Variants in FHOD3 observed in about 807,000 individuals in gnomAD.
The protein encoded by FHOD3 is formin homology 2 domain containing 3.
FHOD3 carries 90 observed loss-of-function variants against 173.0 expected under a neutral mutation model. The ratio of observed to expected loss-of-function variants is 0.52; its 90% confidence interval spans 0.44 to 0.62. FHOD3 has a LOEUF of 0.62. Among genes scored for constraint, FHOD3 ranks in the 20% least tolerant of loss-of-function variants. The pLI is 0.00. For missense variants in FHOD3, 1,945 were observed against 2,034.7 expected, an observed-to-expected ratio of 0.96 and a Z score of 0.85; for synonymous variants, 828 against 823.0, an observed-to-expected ratio of 1.01 and a Z score of -0.10.
At chr18:36,614,950 A>G (rs2033063551) in intron 9 of FHOD3, among the ~76,000 whole-genome samples, 1 of 146,378 alleles carries the variant, frequency 6.8e-6, no homozygotes, top group Non-Finnish European at 1.5e-5. Context: ...TCCCAGGTTC[A>G]AGCGATTCCC....
intron 18 of FHOD3, chr18:36,711,173 G>A (rs2040150931): frequency 6.6e-6 from 1 of 152,178 alleles, no homozygotes; most frequent in Non-Finnish European, 1.5e-5. Context: ...TTTATTTACT[G>A]TAGCTTATTG....
intron 10 of FHOD3, among the ~76,000 whole-genome samples, chr18:36,628,003 C>G (rs2034240043): frequency 6.6e-6 from 1 of 152,142 alleles, no homozygotes; most frequent in Non-Finnish European, 1.5e-5. Flanking sequence ...TCAGATGCCA[C>G]ATATGAAGGA....
intron 9 of FHOD3, among the ~76,000 whole-genome samples, chr18:36,623,624 C>T (rs535643038): frequency 6.6e-6 from 1 of 152,174 alleles, no homozygotes; most frequent in South Asian, 2.1e-4. Flanking sequence ...AAAGATAGAG[C>T]TTTTATCAAT....
chr18:36,409,485 G>T (rs548110985), intron 3 of FHOD3, among the ~76,000 whole-genome samples: 4 of 152,218 alleles, frequency 2.6e-5, no homozygotes, highest in African/African-American at 7.2e-5. Context: ...TGGTCTGGGA[G>T]CCCAGGGTTT....
chr18:36,720,170 C>G (rs1402595275), intron 19 of FHOD3, among the ~76,000 whole-genome samples: 1 of 151,464 alleles, frequency 6.6e-6, no homozygotes, highest in Non-Finnish European at 1.5e-5. Flanking sequence ...CTTGGTGTGT[C>G]TGTGTCCTGA....
chr18:36,561,781 C>A (rs1392122303), intron 5 of FHOD3, among the ~76,000 whole-genome samples: 1 of 152,084 alleles, frequency 6.6e-6, no homozygotes, highest in Non-Finnish European at 1.5e-5. Flanking sequence ...ACAGAGATGA[C>A]TGAGTGTGGT....
At position 36,691,638 on chromosome 18, in the gene FHOD3, T is replaced by C. The variant is rs553193927; in HGVS notation, c.2022-1571T>C. 4.1e-4 allele frequency among the ~76,000 whole-genome samples: 63 copies of C among 152,354 alleles called. 1 individual carries two copies. The South Asian group carries it at 0.011, about 27-fold the overall frequency. ...GTGGTGCTCTTGGCCAAGCCTGAAGTGTTTGTGTCTACATATACATGCACT... is the reference window on the plus strand; with the variant it reads ...GTGGTGCTCTTGGCCAAGCCTGAAGCGTTTGTGTCTACATATACATGCACT... On this transcript the variant is annotated intron_variant, in intron 16 of 28. Coordinates refer to ENST00000590592, the MANE Select transcript of FHOD3 (RefSeq NM_001281740.3).
At chr18:36,367,676 TAGTC>T (rs1235831717) in intron 2 of FHOD3, among the ~76,000 whole-genome samples, 1 of 152,124 alleles carries the variant, frequency 6.6e-6, no homozygotes, top group African/African-American at 2.4e-5. Flanking sequence ...AATTTTGTAT[TAGTC>T]AGGGTTCTCC....
chr18:36,419,938 A>G (rs1348521639), intron 3 of FHOD3, among the ~76,000 whole-genome samples: 1 of 152,222 alleles, frequency 6.6e-6, no homozygotes, highest in Non-Finnish European at 1.5e-5. Flanking sequence ...GGACTGAGAA[A>G]AGCTTTGCCA....
intron 5 of FHOD3, among the ~76,000 whole-genome samples, chr18:36,556,960 G>C (rs1026665802): frequency 6.6e-6 from 1 of 152,112 alleles, no homozygotes; most frequent in Non-Finnish European, 1.5e-5. Flanking sequence ...TAGGATGACA[G>C]GTTTTTTCTC....
chr18:36,380,691 C>G (rs1393199162), intron 3 of FHOD3, among the ~76,000 whole-genome samples: 1 of 148,286 alleles, frequency 6.7e-6, no homozygotes, highest in Non-Finnish European at 1.5e-5. Context: ...TTTAATAACA[C>G]TCTTAAATTT....
At chr18:36,379,584 C>T (rs1295402406) in intron 3 of FHOD3, among the ~76,000 whole-genome samples, 2 of 152,124 alleles carry the variant, frequency 1.3e-5, no homozygotes, top group East Asian at 3.9e-4. Context: ...AATGAAGTCC[C>T]ATTGATAGGG....
chr18:36,385,967 A>C (rs1477161910), intron 3 of FHOD3, among the ~76,000 whole-genome samples: 1 of 152,232 alleles, frequency 6.6e-6, no homozygotes, highest in Admixed American at 6.5e-5. Context: ...ACATGACACC[A>C]AGTGCTTAGT....
At chr18:36,430,469 G>A (rs934993238) in intron 3 of FHOD3, among the ~76,000 whole-genome samples, 2 of 152,162 alleles carry the variant, frequency 1.3e-5, no homozygotes, top group Non-Finnish European at 2.9e-5. Context: ...GCCTGCCTCG[G>A]CCTCCCAAAA....
At chr18:36,483,032 G>C (rs1048214164) in intron 3 of FHOD3, among the ~76,000 whole-genome samples, 2 of 152,170 alleles carry the variant, frequency 1.3e-5, no homozygotes, top group African/African-American at 4.8e-5. Context: ...ATAGTGGGAA[G>C]AGAGATGGAA....
intron 17 of FHOD3, among the ~76,000 whole-genome samples, chr18:36,696,958 A>G (rs2039319998): frequency 6.6e-6 from 1 of 152,196 alleles, no homozygotes; most frequent in African/African-American, 2.4e-5. Context: ...TCTACTTAGT[A>G]AGTTTATTTC....
chr18:36,719,785 C>T (rs1466545638), intron 19 of FHOD3, among the ~76,000 whole-genome samples: 1 of 152,112 alleles, frequency 6.6e-6, no homozygotes, highest in African/African-American at 2.4e-5. Flanking sequence ...ACAAGTGAGC[C>T]CTTCAGACGA....
intron 3 of FHOD3, among the ~76,000 whole-genome samples, chr18:36,397,785 C>G (rs966512961): frequency 1.3e-5 from 2 of 152,156 alleles, no homozygotes; most frequent in African/African-American, 2.4e-5. Flanking sequence ...GGGGTCCGCA[C>G]TCTAGGGCTA....
chr18:36,604,869 A>T (rs2031884988), intron 8 of FHOD3, among the ~76,000 whole-genome samples: 1 of 152,222 alleles, frequency 6.6e-6, no homozygotes, highest in Non-Finnish European at 1.5e-5. Context: ...AAGGTAGAAA[A>T]TGATGTTATC....
Sources: allele counts gnomAD v4.1 joint callset (sites outside exome capture counted in the v4.1 genomes callset), GRCh38; gene constraint gnomAD v4.1.1; transcripts MANE v1.5; gene names NCBI Gene and HGNC (gene_info 2026-07-23, HGNC 2026-07-21).